Variants in ANK3 observed in about 807,000 individuals in gnomAD.
The protein encoded by ANK3 is ankyrin-3.
Under a neutral mutation model 370.9 loss-of-function variants are expected in ANK3, and 57 were observed. The observed-to-expected ratio is 0.15, with a 90% confidence interval of 0.12 to 0.19. The LOEUF (loss-of-function observed/expected upper bound fraction) is 0.19. Ranked by LOEUF, ANK3 falls within the 10% of genes least tolerant of loss-of-function variation. ANK3 has a pLI of 1.00. For synonymous variants in ANK3, 1,929 were observed against 1,946.3 expected (o/e 0.99, Z 0.23); for missense variants, 4,439 against 5,302.1 (o/e 0.84, Z 5.06).
chr10:60,732,224 G>A (rs2080032531), intron 1 of ANK3, among the ~76,000 whole-genome samples: 2 of 152,086 alleles, frequency 1.3e-5, no homozygotes. Context: ...GAAAGGTAAG[G>A]GTAAGTCTCC....
intron 2 of ANK3, among the ~76,000 whole-genome samples, chr10:60,488,224 C>T: frequency 6.6e-6 from 1 of 152,016 alleles, no homozygotes. Flanking sequence ...AAATGTTTGC[C>T]AAAAGTAGCT....
At chr10:60,517,240 T>A (rs1448010498) in intron 2 of ANK3, among the ~76,000 whole-genome samples, 1 of 152,036 alleles carries the variant, frequency 6.6e-6, no homozygotes, top group Non-Finnish European at 1.5e-5. Context: ...ATTTTTGTAT[T>A]TTTAGTAGAG....
intron 1 of ANK3, among the ~76,000 whole-genome samples, chr10:60,321,342 G>GTAAGACCC (rs2048597517): frequency 6.6e-6 from 1 of 150,518 alleles, no homozygotes; most frequent in African/African-American, 2.4e-5. Flanking sequence ...GAGACATGCA[G>GTAAGACCC]TAAGACCCTA....
intron 1 of ANK3, among the ~76,000 whole-genome samples, chr10:60,381,051 C>T (rs2061480332): frequency 6.6e-6 from 1 of 152,156 alleles, no homozygotes; most frequent in Admixed American, 6.6e-5. Flanking sequence ...CAGTCCCCGA[C>T]TGTCCCAAAA....
chr10:60,243,351 T>G (rs1297600135), intron 7 of ANK3, among the ~76,000 whole-genome samples: 1 of 152,142 alleles, frequency 6.6e-6, no homozygotes, highest in African/African-American at 2.4e-5. Context: ...GGATTAATGA[T>G]TAGATAAGAT....
chr10:60,361,358 A>G (rs919488322), intron 1 of ANK3, among the ~76,000 whole-genome samples: 2 of 152,214 alleles, frequency 1.3e-5, no homozygotes, highest in African/African-American at 2.4e-5. Flanking sequence ...GGTTAACAGT[A>G]ATAGTCCTTT....
At chr10:60,560,435 TATGTGGCAATTTTTTTAAAAG>T (rs2077308064) in intron 2 of ANK3, among the ~76,000 whole-genome samples, 1 of 152,320 alleles carries the variant, frequency 6.6e-6, no homozygotes, top group South Asian at 2.1e-4. Context: ...TCAAAAGCCA[TATGTGGCAATTTTTTTAAAAG>T]CTGGAATCTA....
intron 2 of ANK3, among the ~76,000 whole-genome samples, chr10:60,611,790 A>G (rs1263305598): frequency 6.6e-6 from 1 of 150,752 alleles, no homozygotes; most frequent in Non-Finnish European, 1.5e-5. Context: ...AGGCTTGCCT[A>G]GGCAAGTGTT....
chr10:60,093,814 A>T (rs561359317), intron 28 of ANK3, among the ~76,000 whole-genome samples: 1 of 152,350 alleles, frequency 6.6e-6, no homozygotes, highest in East Asian at 1.9e-4. Context: ...TTCTAACTAT[A>T]TAAACAGAGA....
intron 1 of ANK3, among the ~76,000 whole-genome samples, chr10:60,342,118 C>T (rs1037622805): frequency 6.6e-6 from 1 of 152,130 alleles, no homozygotes; most frequent in Non-Finnish European, 1.5e-5. Context: ...CTTGCCTAGA[C>T]TTTGCAGTAT....
At chr10:60,532,630 A>G (rs560603544) in intron 2 of ANK3, among the ~76,000 whole-genome samples, 1 of 152,074 alleles carries the variant, frequency 6.6e-6, no homozygotes, top group Non-Finnish European at 1.5e-5. Context: ...CTCATGCAGT[A>G]GAGACTGGGG....
chr10:60,637,745 T>C (rs897503459), intron 1 of ANK3, among the ~76,000 whole-genome samples: 7 of 152,206 alleles, frequency 4.6e-5, no homozygotes, highest in African/African-American at 1.7e-4. Flanking sequence ...AAGCGAAATA[T>C]GCATTTATGA....
intron 1 of ANK3, among the ~76,000 whole-genome samples, chr10:60,698,014 A>G (rs1201649059): frequency 2.6e-5 from 4 of 152,150 alleles, no homozygotes; most frequent in Admixed American, 6.6e-5. Context: ...ATCTGACAAA[A>G]GGCTAATATC....
chr10:60,140,670 A>G, intron 23 of ANK3: 1 of 1,307,672 alleles, frequency 7.6e-7, no homozygotes, highest in East Asian at 3.2e-5. Context: ...ACATCCTTTT[A>G]AAGCTCCTTC....
chr10:60,699,562 A>G (rs1216632727), intron 1 of ANK3, among the ~76,000 whole-genome samples: 2 of 152,124 alleles, frequency 1.3e-5, no homozygotes, highest in East Asian at 3.9e-4. Flanking sequence ...ATGTTCATAG[A>G]AAATTTTTAA....
chr10:60,395,632 C>CGT lies in ANK3; in HGVS notation c.97-115994_97-115993insAC, dbSNP rs1567004879. Among the ~76,000 whole-genome samples, 112 of 148,714 alleles carry CGT rather than the reference C, an allele frequency of 7.5e-4. 1 individual carries two copies. Among genetic ancestry groups the CGT allele is most frequent in the Non-Finnish European group, 6.7e-4 (45 of 67,326 alleles). On this transcript the variant is annotated intron_variant, in intron 2 of 43. Coordinates refer to the ANK3 transcript ENST00000373827. Reference sequence around the variant, plus strand: ...TCTCTCTTTCGTTCTCTCTCTCTCTCTCTCTCTCTCTCTCTCTCTTTCTTT... The same window carrying CGT: ...TCTCTCTTTCGTTCTCTCTCTCTCTCGTTCTCTCTCTCTCTCTCTCTTTCTTT...
intron 2 of ANK3, among the ~76,000 whole-genome samples, chr10:60,558,787 A>G (rs1019966141): frequency 5.9e-5 from 9 of 152,204 alleles, no homozygotes; most frequent in African/African-American, 2.2e-4. Context: ...CCCTAGAGAT[A>G]GAGTAAATAT....
intron 9 of ANK3, among the ~76,000 whole-genome samples, chr10:60,212,752 T>C (rs1165317499): frequency 2.0e-5 from 3 of 152,148 alleles, no homozygotes; most frequent in Admixed American, 2.0e-4. Context: ...CTTAGTATCA[T>C]TTCCAAAAAA....
intron 42 of ANK3, chr10:60,043,002 A>G (rs2076379273): frequency 1.6e-6 from 2 of 1,286,604 alleles, no homozygotes; most frequent in Non-Finnish European, 2.0e-6. Context: ...TCAGTAAGTT[A>G]GTGATAAATC....
Sources: gnomAD v4.1 joint callset for allele counts (sites outside exome capture counted in the v4.1 genomes callset) on GRCh38, gnomAD v4.1.1 for gene constraint, MANE v1.5 for transcripts, NCBI Gene and HGNC (gene_info 2026-07-23, HGNC 2026-07-21) for gene names.